The following CYB5R4 variants were observed in gnomAD, a reference collection of about 807,000 sequenced individuals.
CYB5R4 encodes N-terminal cytochrome b5 and cytochrome b5 oxidoreductase domain-containing protein.
A neutral mutation model predicts 70.2 loss-of-function variants in CYB5R4; 55 were observed. That is an observed-to-expected ratio of 0.78 (90% CI 0.63 to 0.98). CYB5R4 has a LOEUF of 0.98. Among genes scored for constraint, CYB5R4 ranks in the 50% least tolerant of loss-of-function variants. CYB5R4 has a pLI of 0.00. For missense variants in CYB5R4, 562 were observed against 612.6 expected (o/e 0.92, Z 0.87); for synonymous variants, 197 against 199.5 (o/e 0.99, Z 0.11).
chr6:83,947,920 C>T (rs146351660), intron 14 of CYB5R4, among the ~76,000 whole-genome samples: 1,939 of 152,220 alleles, frequency 0.013, 46 homozygotes, highest in African/African-American at 0.044. Flanking sequence ...ACACTGTTGG[C>T]AGGAGTGCAA....
intron 10 of CYB5R4, among the ~76,000 whole-genome samples, chr6:83,930,135 T>G (rs1408140875): frequency 1.3e-5 from 2 of 152,176 alleles, no homozygotes; most frequent in Non-Finnish European, 2.9e-5. Context: ...ATCTGAGTCT[T>G]CAGTGAATCA....
At chr6:83,948,667 T>C (rs1266322739) in intron 14 of CYB5R4, among the ~76,000 whole-genome samples, 3 of 152,212 alleles carry the variant, frequency 2.0e-5, no homozygotes, top group African/African-American at 7.2e-5. Context: ...CATTGTACTT[T>C]TGACTTCAAC....
At chr6:83,955,791 A>G (rs1045183794) in intron 15 of CYB5R4, among the ~76,000 whole-genome samples, 2 of 152,174 alleles carry the variant, frequency 1.3e-5, no homozygotes, top group Admixed American at 1.3e-4. Context: ...AAAGCTTCAT[A>G]ATATATAGTA....
chr6:83,872,901 A>G (rs2099457867), intron 2 of CYB5R4, among the ~76,000 whole-genome samples: 1 of 152,178 alleles, frequency 6.6e-6, no homozygotes, highest in Non-Finnish European at 1.5e-5. Context: ...AAAAAGTGAT[A>G]CTGTTGCTAG....
At chr6:83,892,809 T>C (rs995412163) in intron 2 of CYB5R4, among the ~76,000 whole-genome samples, 1 of 151,576 alleles carries the variant, frequency 6.6e-6, no homozygotes, top group Non-Finnish European at 1.5e-5. Flanking sequence ...GGAAATGTTA[T>C]GTCTGTAGTA....
At chr6:83,941,075 ATGTT>A (rs903725300) in intron 14 of CYB5R4, among the ~76,000 whole-genome samples, 5 of 152,122 alleles carry the variant, frequency 3.3e-5, no homozygotes, top group African/African-American at 1.2e-4. Flanking sequence ...AATTCCTTTT[ATGTT>A]TGTTTGTTTG....
chr6:83,947,054 T>C (rs1382068708), intron 14 of CYB5R4, among the ~76,000 whole-genome samples: 4 of 152,138 alleles, frequency 2.6e-5, no homozygotes, highest in Non-Finnish European at 5.9e-5. Context: ...AGAAAAAAAC[T>C]ATTTTAAATT....
chr6:83,880,424 G>A (rs1475158038), intron 2 of CYB5R4, among the ~76,000 whole-genome samples: 2 of 152,096 alleles, frequency 1.3e-5, no homozygotes, highest in Non-Finnish European at 2.9e-5. Flanking sequence ...TAAACCTAAG[G>A]CATAGACAGT....
intron 2 of CYB5R4, among the ~76,000 whole-genome samples, chr6:83,875,887 T>G (rs2099458461): frequency 6.6e-6 from 1 of 152,198 alleles, no homozygotes; most frequent in Non-Finnish European, 1.5e-5. Context: ...ATTAATTTGT[T>G]CCCTTAACCA....
intron 14 of CYB5R4, among the ~76,000 whole-genome samples, chr6:83,954,915 GT>G (rs567638162): frequency 2.3e-4 from 34 of 145,900 alleles, no homozygotes; most frequent in African/African-American, 3.4e-4. Flanking sequence ...TTGTTTTTGG[GT>G]TTTTTTTTTT....
At chr6:83,882,037 C>T (rs552900475) in intron 2 of CYB5R4, among the ~76,000 whole-genome samples, 1 of 152,268 alleles carries the variant, frequency 6.6e-6, no homozygotes, top group East Asian at 1.9e-4. Flanking sequence ...GATCAAGACT[C>T]CAACAAATGC....
intron 14 of CYB5R4, 131 bp downstream of exon 14, chr6:83,940,732 T>TAG: frequency 9.1e-7 from 1 of 1,095,088 alleles, no homozygotes; most frequent in Non-Finnish European, 1.2e-6. Flanking sequence ...CCAATAATTC[T>TAG]CTAACTAGAA....
Position 83,924,503 on chromosome 6 carries a change from T to C in CYB5R4, c.725T>C (p.Ile242Thr), listed in dbSNP as rs940007060. ...GTTGAGAGTGTGGGAAAAATAGAGA[T>C]TGTTCTACAAAAAAAAGAGAATACT... ...RVVESVGKIEIVLQKKENTSW... is the reference protein window; with the variant it reads ...RVVESVGKIETVLQKKENTSW... Residue 242 changes from isoleucine to threonine, a missense_variant, in exon 10 of 16, where the codon ATT (isoleucine) becomes ACT (threonine). Transcript: ENST00000369681. 6 of 1,613,694 alleles carry C rather than the reference T, an allele frequency of 3.7e-6. No individual in the cohort carries two copies. The highest frequency in any genetic ancestry group is 1.7e-4 in the Middle Eastern group (1 of 6,046).
Position 83,940,515 on chromosome 6 carries a change from G to A in CYB5R4, c.1260G>A (p.Arg420=). 1 of 1,573,576 alleles carries A rather than the reference G, an allele frequency of 6.4e-7. No individual in the cohort carries two copies. The highest frequency in any genetic ancestry group is 8.6e-7 in the Non-Finnish European group (1 of 1,167,916). The change falls in exon 14 of 16, where the codon AGG becomes AGA. Residue 420 remains arginine, a splice_region_variant and synonymous_variant. Transcript: ENST00000369681. The part of the protein sequence containing the change: ...NYALTDIPSL[R]KVKLMFFNKT... The stretch of plus-strand genomic sequence containing the variant: ...TCTGAGTTTTTTTTTTTCTCTTAAG[G>A]AAAGTGAAGCTGATGTTCTTCAATA...
chr6:83,893,574 T>C lies in CYB5R4; in HGVS notation c.282T>C (p.Asp94=). 1 of 1,613,436 alleles carries C rather than the reference T, an allele frequency of 6.2e-7. No homozygotes were observed. The highest frequency in any genetic ancestry group is 8.5e-7 in the Non-Finnish European group (1 of 1,179,508). ...TGGAGTATCATCCTGGTGGAGAAGA[T>C]GAACTAATGAGAGCAGCAGGATCAG... is the stretch of plus-strand genomic sequence containing the variant. ...PYMEYHPGGE[D]ELMRAAGSDG... is the part of the protein sequence containing the mutation. Residue 94 remains aspartate, a synonymous_variant, in exon 3 of 16, where the codon GAT becomes GAC. Transcript: ENST00000369681.
chr6:83,897,948 T>A (rs1315123074), intron 3 of CYB5R4, among the ~76,000 whole-genome samples: 1 of 152,208 alleles, frequency 6.6e-6, no homozygotes, highest in African/African-American at 2.4e-5. Flanking sequence ...TTTGATGTTT[T>A]AGACATGAAG....
Position 83,961,787 on chromosome 6 carries a change from C to G in CYB5R4, c.*1909C>G, listed in dbSNP as rs1023365220. 6.6e-6 allele frequency: 1 copy of G among 151,952 alleles called. No homozygotes were observed. Among genetic ancestry groups the G allele is most frequent in the African/African-American group, 2.4e-5 (1 of 41,408 alleles). 9.4% of individuals were successfully genotyped at this position (151,952 alleles called of 1,614,324 possible). A position where few individuals can be genotyped will look rare whatever the true frequency, so the allele number is the denominator to read the frequency against. ...CTTTCTCATCTTTTCTAAGCCTCTT[C>G]TTTTTTCTCTCTCCTTTCCCAAGCA... On this transcript the variant is annotated 3_prime_UTR_variant, in exon 16 of 16. Transcript: ENST00000369681.
intron 4 of CYB5R4, among the ~76,000 whole-genome samples, chr6:83,912,335 C>T (rs542986095): frequency 2.0e-5 from 3 of 152,064 alleles, no homozygotes; most frequent in East Asian, 3.9e-4. Flanking sequence ...TGTCAATGTC[C>T]GTATTATGTC....
At chr6:83,916,903 C>A (rs1349272629) in intron 5 of CYB5R4, among the ~76,000 whole-genome samples, 1 of 152,152 alleles carries the variant, frequency 6.6e-6, no homozygotes, top group Non-Finnish European at 1.5e-5. Flanking sequence ...TCAGCAGATA[C>A]TAACCATTAA....
Sources: allele counts gnomAD v4.1 joint callset (sites outside exome capture counted in the v4.1 genomes callset), GRCh38; gene constraint gnomAD v4.1.1; transcripts MANE v1.5; gene names NCBI Gene and HGNC (gene_info 2026-07-23, HGNC 2026-07-21).